SMIM14: variants seen among roughly 807,000 people sequenced by gnomAD.
The protein encoded by SMIM14 is chromosome 4 open reading frame 34.
SMIM14 carries 5 observed loss-of-function variants against 12.6 expected under a neutral mutation model. The ratio of observed to expected loss-of-function variants is 0.40; its 90% CI spans 0.21 to 0.83. The LOEUF (loss-of-function observed/expected upper bound fraction) is 0.83. Among genes scored for constraint, SMIM14 ranks in the 40% least tolerant of loss-of-function variants. SMIM14 has a pLI of 0.37. For missense variants in SMIM14, 86 were observed against 119.1 expected, an observed-to-expected ratio of 0.72 and a Z score of 1.29; for synonymous variants, 30 against 40.1, an observed-to-expected ratio of 0.75 and a Z score of 0.95.
chr4:39,594,611 C>T (rs868135573), intron 2 of SMIM14: 1 of 148,024 alleles, frequency 6.8e-6, no homozygotes, highest in Non-Finnish European at 1.5e-5. Context: ...TCAGAGTGAA[C>T]AGGCAACCTA....
At chr4:39,621,086 C>T (rs1177096211) in intron 1 of SMIM14, 1 of 151,718 alleles carries the variant, frequency 6.6e-6, no homozygotes, top group Non-Finnish European at 1.5e-5. Flanking sequence ...GAAAAAATTC[C>T]AAAAAGAAAA....
intron 3 of SMIM14, among the ~76,000 whole-genome samples, chr4:39,562,836 GT>G (rs981502046): frequency 8.0e-6 from 1 of 124,814 alleles, no homozygotes; most frequent in African/African-American, 4.7e-5. Flanking sequence ...TAGAGACGGT[GT>G]TTTGCCATGT....
chr4:39,553,827 C>T (rs1711861234), intron 4 of SMIM14, among the ~76,000 whole-genome samples: 1 of 152,008 alleles, frequency 6.6e-6, no homozygotes, highest in African/African-American at 2.4e-5. Flanking sequence ...CTCCTGACCT[C>T]AGGTGATCCG....
chr4:39,626,476 G>A (rs1715702846), intron 1 of SMIM14, among the ~76,000 whole-genome samples: 1 of 152,114 alleles, frequency 6.6e-6, no homozygotes, highest in Non-Finnish European at 1.5e-5. Flanking sequence ...CACAGGAGGT[G>A]GGATTCAAAC....
intron 1 of SMIM14, among the ~76,000 whole-genome samples, chr4:39,619,514 AAATAT>A (rs1390570297): frequency 1.1e-5 from 1 of 91,612 alleles, no homozygotes. Flanking sequence ...CTATATCAAT[AAATAT>A]AATTTATTCT....
At chr4:39,556,603 A>C (rs1380027751) in intron 3 of SMIM14, 33 bp from the exon 4 acceptor site, 11 of 1,544,990 alleles carry the variant, frequency 7.1e-6, no homozygotes, top group African/African-American at 1.4e-5. Flanking sequence ...GCATGCTCAC[A>C]ATATTGTTAA....
intron 1 of SMIM14, among the ~76,000 whole-genome samples, chr4:39,614,840 A>C (rs1185338431): frequency 1.3e-5 from 2 of 152,190 alleles, no homozygotes; most frequent in African/African-American, 2.4e-5. Flanking sequence ...AAGAACATGA[A>C]TGTTGGGAAG....
At chr4:39,576,147 G>A (rs72624131) in intron 2 of SMIM14, among the ~76,000 whole-genome samples, 19,866 of 141,606 alleles carry the variant, frequency 0.14, 1,950 homozygotes, top group South Asian at 0.34. Flanking sequence ...CACTTGCTTC[G>A]GCCTCCCAAA....
intron 2 of SMIM14, among the ~76,000 whole-genome samples, chr4:39,581,695 T>C (rs1399712879): frequency 1.4e-5 from 2 of 146,924 alleles, no homozygotes; most frequent in African/African-American, 5.0e-5. Flanking sequence ...CAGGAGTAGC[T>C]CGAACCTCAG....
chr4:39,605,938 A>G (rs983552709), intron 1 of SMIM14, among the ~76,000 whole-genome samples: 1 of 152,092 alleles, frequency 6.6e-6, no homozygotes, highest in Non-Finnish European at 1.5e-5. Context: ...GGGTTTTGCC[A>G]TGTTGGCCAG....
Position 39,599,742 on chromosome 4 carries a change from T to C in SMIM14, c.75+5329A>G, listed in dbSNP as rs1411986680. Among the ~76,000 whole-genome samples, 3 of 152,074 alleles carry C rather than the reference T, an allele frequency of 2.0e-5. No individual in the cohort carries two copies. The East Asian group carries it at 5.8e-4, about 29-fold the overall frequency. On this transcript the variant is annotated intron_variant, in intron 2 of 4. Coordinates refer to ENST00000295958, the MANE Select transcript of SMIM14 (RefSeq NM_174921.3). ...ATCGAGACCATCCTGGCCAACATGATGAAACCCCGTCTCTACTAAAATTAC... is the reference window on the plus strand; with the variant it reads ...ATCGAGACCATCCTGGCCAACATGACGAAACCCCGTCTCTACTAAAATTAC...
At chr4:39,596,346 C>T (rs903699071) in intron 2 of SMIM14, among the ~76,000 whole-genome samples, 28 of 152,156 alleles carry the variant, frequency 1.8e-4, no homozygotes, top group African/African-American at 5.8e-4. Context: ...CCACTTGCCT[C>T]GGCCTCCCAA....
intron 3 of SMIM14, among the ~76,000 whole-genome samples, chr4:39,570,159 T>C (rs1335301042): frequency 6.6e-6 from 1 of 152,150 alleles, no homozygotes; most frequent in Admixed American, 6.6e-5. Context: ...TCTATCTTTT[T>C]TTTGTTTTTT....
At chr4:39,560,321 C>T (rs1712239752) in intron 3 of SMIM14, among the ~76,000 whole-genome samples, 1 of 145,872 alleles carries the variant, frequency 6.9e-6, no homozygotes, top group South Asian at 2.4e-4. Context: ...GATCTCCGCT[C>T]ACTACAACCT....
At chr4:39,601,026 A>T (rs1578347820) in intron 2 of SMIM14, among the ~76,000 whole-genome samples, 1 of 152,174 alleles carries the variant, frequency 6.6e-6, no homozygotes, top group Admixed American at 6.5e-5. Flanking sequence ...ATTAAAAAAA[A>T]TTTAACATAA....
chr4:39,634,279 A>G (rs1716013428), intron 1 of SMIM14, among the ~76,000 whole-genome samples: 1 of 152,218 alleles, frequency 6.6e-6, no homozygotes, highest in East Asian at 1.9e-4. Flanking sequence ...AAAAAGACCA[A>G]CAAAACAACG....
At chr4:39,553,013 A>G (rs1711800643) in intron 4 of SMIM14, among the ~76,000 whole-genome samples, 1 of 151,932 alleles carries the variant, frequency 6.6e-6, no homozygotes, top group South Asian at 2.1e-4. Flanking sequence ...CCTACAATGA[A>G]TTAAGGTCCA....
intron 1 of SMIM14, among the ~76,000 whole-genome samples, chr4:39,616,854 T>C (rs1447586630): frequency 6.6e-6 from 1 of 152,094 alleles, no homozygotes. Flanking sequence ...GCAACAATAC[T>C]AAGATATTCA....
chr4:39,596,331 G>A (rs955761247), intron 2 of SMIM14, among the ~76,000 whole-genome samples: 1 of 152,146 alleles, frequency 6.6e-6, no homozygotes, highest in African/African-American at 2.4e-5. Context: ...CCGACCTCAG[G>A]TGATCCACTT....
Sources: gnomAD v4.1 joint callset for allele counts (sites outside exome capture counted in the v4.1 genomes callset) on GRCh38, gnomAD v4.1.1 for gene constraint, MANE v1.5 for transcripts, NCBI Gene and HGNC (gene_info 2026-07-23, HGNC 2026-07-21) for gene names.